Variants in LRTM2 observed in about 807,000 individuals in gnomAD.
The protein encoded by LRTM2 is leucine rich repeat transmembrane protein 2, also known as leucine-rich repeat and transmembrane domain-containing protein 2.
In LRTM2, 18 loss-of-function variants were observed where a neutral mutation model predicts 28.1. The observed-to-expected ratio is 0.64, with a 90% CI of 0.44 to 0.95. The LOEUF (loss-of-function observed/expected upper bound fraction) is 0.95. LRTM2 is among the 40% of genes least tolerant of loss of function. LRTM2 has a pLI of 0.00. For synonymous variants in LRTM2, 250 were observed against 218.7 expected (o/e 1.14, Z -1.26); for missense variants, 436 against 497.2 (o/e 0.88, Z 1.17).
rs1864430359 is a variant in LRTM2, at chr12:1,828,043, C to T, written c.-73-33C>T. 8 of 1,115,350 alleles carry T rather than the reference C, an allele frequency of 7.2e-6. No individual in the cohort carries two copies. The highest frequency in any genetic ancestry group is 3.8e-5 in the South Asian group (2 of 52,966). 69.1% of individuals were successfully genotyped at this position (1,115,350 alleles called of 1,614,324 possible). On this transcript the variant is annotated intron_variant, in intron 2 of 4. Coordinates refer to ENST00000299194, the MANE Select transcript of LRTM2 (RefSeq NM_001039029.3). This position sits in a 1 kb window ranked among gnomAD's most constrained non-coding sequence, Gnocchi z 4.2. Reference sequence around the variant, plus strand: ...CCTGGGCTGGAACGGGGCTCCCGCGCCTGCCTGTGCTCAGTGCTCCTCCCT... The same window carrying T: ...CCTGGGCTGGAACGGGGCTCCCGCGTCTGCCTGTGCTCAGTGCTCCTCCCT...
chr12:1,835,422 TACACAC>T lies in LRTM2; in HGVS notation c.*718_*723del, dbSNP rs137889817. 4 of 150,536 alleles carry T rather than the reference TACACAC, an allele frequency of 2.7e-5. No individual in the cohort carries two copies. The highest frequency in any genetic ancestry group is 2.1e-4 in the South Asian group (1 of 4,752). The allele number at this position is 150,536 out of a possible 1,614,324, so 9.3% of individuals were successfully genotyped here. A position where few individuals can be genotyped will look rare whatever the true frequency, so the allele number is the denominator to read the frequency against. On this transcript the variant is annotated 3_prime_UTR_variant, in exon 5 of 5. Coordinates refer to ENST00000299194, the MANE Select transcript of LRTM2 (RefSeq NM_001039029.3). ...CGGTCACATGGATTGAAAGAATTAATACACACACACACACACACACACTCACACGGT... is the reference window on the plus strand; with the variant it reads ...CGGTCACATGGATTGAAAGAATTAATACACACACACACACACTCACACGGT...
chr12:1,823,547 C>T (rs970144170), intron 1 of LRTM2, among the ~76,000 whole-genome samples: 1 of 152,034 alleles, frequency 6.6e-6, no homozygotes, highest in Non-Finnish European at 1.5e-5. Context: ...ACTGGGGCCT[C>T]CTGCTCCCCC....
At position 1,835,631 on chromosome 12, in the gene LRTM2, G is replaced by A. The variant is rs1051829386; in HGVS notation, c.*910G>A. ...AGATCCTCTAAAGTGGGCCAAAGTG[G>A]TGCCCCTGGAGGAGCCCTCCTGTCA... On this transcript the variant is annotated 3_prime_UTR_variant, in exon 5 of 5. Coordinates refer to ENST00000299194, the MANE Select transcript of LRTM2 (RefSeq NM_001039029.3). 3 of 152,600 alleles carry A rather than the reference G, an allele frequency of 2.0e-5. No homozygotes were observed. The highest frequency in any genetic ancestry group is 1.3e-4 in the Admixed American group (2 of 15,284). 9.5% of individuals were successfully genotyped at this position (152,600 alleles called of 1,614,324 possible). A position where few individuals can be genotyped will look rare whatever the true frequency, so the allele number is the denominator to read the frequency against.
rs1592691423 is a variant in LRTM2, at chr12:1,831,195, T to C, written c.328T>C (p.Ser110Pro). The C allele has an allele frequency of 3.5e-5, 57 of 1,613,730 alleles. No homozygotes were observed. The highest frequency in any genetic ancestry group is 4.8e-5 in the Non-Finnish European group (57 of 1,179,998). The change falls in exon 4 of 5, where the codon TCC (serine) becomes CCC (proline). Residue 110 changes from serine to proline, a missense_variant. Ser to Pro is a moderately conservative substitution (Grantham distance 74, BLOSUM62 -1). Transcript: ENST00000299194. ...CAACTTCCTGGACCGGCTGCCCCGC[T>C]CCATTTTCGGGGACCTGACGAATCT... ...SNNFLDRLPR[S>P]IFGDLTNLTE...
At chr12:1,830,086 C>A (rs12301312) in intron 3 of LRTM2, among the ~76,000 whole-genome samples, 71,008 of 152,138 alleles carry the variant, frequency 0.47, 17,574 homozygotes, top group African/African-American at 0.6. Context: ...GAATTCTATT[C>A]ATCGGGCCAT....
At position 1,828,173 on chromosome 12, in the gene LRTM2, G is replaced by A; in HGVS notation, c.25G>A (p.Gly9Arg). 1.9e-6 allele frequency: 3 copies of A among 1,546,670 alleles called. No individual in the cohort carries two copies. Among genetic ancestry groups the A allele is most frequent in the Admixed American group, 2.0e-5 (1 of 50,646 alleles). ...CATGCTGGCGCCGGGCAGCAGCCCT[G>A]GGCAGAGGGGCAGGCTCGCCCTGCA... MLAPGSSP[G>R]QRGRLALQWR... The change falls in exon 3 of 5, where the codon GGG becomes AGG. Residue 9 changes from glycine to arginine, a missense_variant. By Grantham distance (125) the Gly-to-Arg change is moderately radical. Transcript: ENST00000299194. The surrounding 1 kb of genome is among the most constrained non-coding windows in gnomAD (Gnocchi z 4.2).
rs184561466 is a variant in LRTM2, at chr12:1,829,302, G to A, written c.67+1087G>A. 3.2e-4 allele frequency among the ~76,000 whole-genome samples: 48 copies of A among 152,270 alleles called. No individual in the cohort carries two copies. Among genetic ancestry groups the A allele is most frequent in the Middle Eastern group, 3.4e-3 (1 of 294 alleles). On this transcript the variant is annotated intron_variant, in intron 3 of 4. Transcript: ENST00000299194. The surrounding 1 kb of genome is among the most constrained non-coding windows in gnomAD (Gnocchi z 4.2). ...CTGAATGCGTTGGATTTTATTTCCT[G>A]GGGAAAGTCAAGTCTGAAGAATGCT...
Position 1,828,112 on chromosome 12 carries a change from C to G in LRTM2, c.-37C>G. On this transcript the variant is annotated 5_prime_UTR_variant, in exon 3 of 5. Coordinates refer to ENST00000299194, the MANE Select transcript of LRTM2 (RefSeq NM_001039029.3). This position sits in a 1 kb window ranked among gnomAD's most constrained non-coding sequence, Gnocchi z 4.2. Reference sequence around the variant, plus strand: ...GGCGCACCCAGGGGCTCCTCTCTCCCCAGAGCGACAGGGCCCGGAGAGCCG... The same window carrying G: ...GGCGCACCCAGGGGCTCCTCTCTCCGCAGAGCGACAGGGCCCGGAGAGCCG... The G allele has an allele frequency of 1.3e-6, 2 of 1,500,712 alleles. No homozygotes were observed. Among genetic ancestry groups the G allele is most frequent in the Non-Finnish European group, 8.9e-7 (1 of 1,121,382 alleles). 93.0% of individuals were successfully genotyped at this position (1,500,712 alleles called of 1,614,324 possible). A position where few individuals can be genotyped will look rare whatever the true frequency, so the allele number is the denominator to read the frequency against.
At position 1,829,537 on chromosome 12, in the gene LRTM2, T is replaced by C. The variant is rs4766423; in HGVS notation, c.67+1322T>C. On this transcript the variant is annotated intron_variant, in intron 3 of 4. Transcript: ENST00000299194. This position sits in a 1 kb window ranked among gnomAD's most constrained non-coding sequence, Gnocchi z 4.2. ...GCTGCAGGGAGGCCTGGGCCAGATCTAGCCACGTGTCAGCTCTCAGCTGTC... is the reference window on the plus strand; with the variant it reads ...GCTGCAGGGAGGCCTGGGCCAGATCCAGCCACGTGTCAGCTCTCAGCTGTC... Among the ~76,000 whole-genome samples, 6,565 of 152,090 alleles carry C rather than the reference T, an allele frequency of 0.043. 402 individuals are homozygous for C. Among genetic ancestry groups the C allele is most frequent in the African/African-American group, 0.14 (5,761 of 41,482 alleles).
In LRTM2 at chr12:1,834,736, C is replaced by G. The variant is rs1465639849; in HGVS notation, c.*15C>G. On this transcript the variant is annotated 3_prime_UTR_variant, in exon 5 of 5. Transcript: ENST00000299194. The surrounding 1 kb of genome is among the most constrained non-coding windows in gnomAD (Gnocchi z 7.6). ...CTGTGGCCTGAGCGCCCATCCCCAC[C>G]CGGCCAGGTAGGAAGGGCGGGGAGA... The G allele has an allele frequency of 1.9e-6, 3 of 1,572,496 alleles. No homozygotes were observed. Among genetic ancestry groups the G allele is most frequent in the Non-Finnish European group, 2.6e-6 (3 of 1,161,004 alleles).
chr12:1,834,418 C>T lies in LRTM2; in HGVS notation c.810C>T (p.Thr270=). 4.3e-6 allele frequency: 7 copies of T among 1,613,004 alleles called. No homozygotes were observed. Among genetic ancestry groups the T allele is most frequent in the Non-Finnish European group, 5.9e-6 (7 of 1,180,008 alleles). ...TGGATATTCCTGGGCCACCCTGCAC[C>T]AAGGCCAGTCCAGAGCCTGCTAAGC... The part of the protein sequence containing the change: ...AGLDIPGPPC[T]KASPEPAKPK... Residue 270 remains threonine, a synonymous_variant, in exon 5 of 5, where the codon ACC becomes ACT. Transcript: ENST00000299194. This position sits in a 1 kb window ranked among gnomAD's most constrained non-coding sequence, Gnocchi z 7.6.
At chr12:1,825,396 G>A (rs1392899653) in intron 1 of LRTM2, among the ~76,000 whole-genome samples, 9 of 152,222 alleles carry the variant, frequency 5.9e-5, no homozygotes, top group Admixed American at 2.6e-4. Flanking sequence ...TGGGGAATCC[G>A]GCCTCAACAT....
intron 1 of LRTM2, among the ~76,000 whole-genome samples, chr12:1,824,708 G>T (rs1214506821): frequency 6.6e-6 from 1 of 152,238 alleles, no homozygotes; most frequent in African/African-American, 2.4e-5. Context: ...TGCTCTCCAA[G>T]CTTCCCAATG....
At chr12:1,827,192 T>G (rs1864372942) in intron 1 of LRTM2, among the ~76,000 whole-genome samples, 1 of 150,292 alleles carries the variant, frequency 6.7e-6, no homozygotes. Flanking sequence ...TGTCCCCCTC[T>G]CTGATGGGCT....
intron 1 of LRTM2, among the ~76,000 whole-genome samples, chr12:1,821,635 G>A (rs1864106639): frequency 6.6e-6 from 1 of 152,170 alleles, no homozygotes; most frequent in Non-Finnish European, 1.5e-5. Context: ...GGTACACAGC[G>A]GGGCCAGGCC....
rs1269199958 is a variant in LRTM2, at chr12:1,831,368, C to T, written c.501C>T (p.Arg167=). 6.2e-7 allele frequency: 1 copy of T among 1,614,030 alleles called. No individual in the cohort carries two copies. Among genetic ancestry groups the T allele is most frequent in the Non-Finnish European group, 8.5e-7 (1 of 1,180,046 alleles). ...PGLFDGLLAL[R]SLSLRSNRLQ... is the part of the protein sequence containing the mutation. ...TTTTCGACGGGCTCCTGGCTCTGCG[C>T]TCCCTCTCGCTTCGCTCCAACCGTC... Residue 167 remains arginine, a synonymous_variant, in exon 4 of 5, where the codon CGC becomes CGT. Transcript: ENST00000299194.
chr12:1,836,371 C>T lies in LRTM2; in HGVS notation c.*1650C>T, dbSNP rs1183749538. The T allele has an allele frequency of 6.6e-6, 1 of 152,344 alleles. No individual in the cohort carries two copies. The highest frequency in any genetic ancestry group is 1.5e-5 in the Non-Finnish European group (1 of 68,126). 9.4% of individuals were successfully genotyped at this position (152,344 alleles called of 1,614,324 possible). On this transcript the variant is annotated 3_prime_UTR_variant, in exon 5 of 5. Coordinates refer to ENST00000299194, the MANE Select transcript of LRTM2 (RefSeq NM_001039029.3). ...GAAGAGGCCAGCAAGAACCCTGAAG[C>T]CAAGGGTCTGAGCAGAGGGAGTTGG...
At position 1,830,990 on chromosome 12, in the gene LRTM2, C is replaced by A; in HGVS notation, c.123C>A (p.Phe41Leu). ...TGGAGGCCCTCCCCACCTGCCCTTTCTCCTGCAAGTGTGACAGCCGCAGCC... is the reference window on the plus strand; with the variant it reads ...TGGAGGCCCTCCCCACCTGCCCTTTATCCTGCAAGTGTGACAGCCGCAGCC... ...YAVEALPTCP[F>L]SCKCDSRSLE... The change falls in exon 4 of 5, where the codon TTC (phenylalanine) becomes TTA (leucine). Residue 41 changes from phenylalanine to leucine, a missense_variant. Phe to Leu is a conservative substitution (Grantham distance 22). Coordinates refer to ENST00000299194, the MANE Select transcript of LRTM2 (RefSeq NM_001039029.3). The A allele has an allele frequency of 6.2e-7, 1 of 1,613,990 alleles. No individual in the cohort carries two copies. Among genetic ancestry groups the A allele is most frequent in the Non-Finnish European group, 8.5e-7 (1 of 1,179,920 alleles).
At chr12:1,824,339 G>A (rs1271204763) in intron 1 of LRTM2, among the ~76,000 whole-genome samples, 2 of 152,166 alleles carry the variant, frequency 1.3e-5, no homozygotes, top group East Asian at 1.9e-4. Context: ...AGGCTCCCAA[G>A]CTAGACCAAT....
Sources: gnomAD v4.1 joint callset for allele counts (sites outside exome capture counted in the v4.1 genomes callset) on GRCh38, gnomAD v4.1.1 for gene constraint, Gnocchi (gnomAD v3.1) non-coding constraint, MANE v1.5 for transcripts, NCBI Gene and HGNC (gene_info 2026-07-23, HGNC 2026-07-21) for gene names.